The following COL6A5 variants were observed in gnomAD, a reference collection of about 807,000 sequenced individuals.
COL6A5 encodes collagen type VI alpha 5 chain.
A neutral mutation model predicts 65.6 loss-of-function variants in COL6A5; 48 were observed. That is an observed-to-expected ratio of 0.73 (90% CI 0.58 to 0.93). The LOEUF is 0.93. Among genes scored for constraint, COL6A5 ranks in the 40% least tolerant of loss-of-function variants. COL6A5 has a pLI of 0.00. For missense variants in COL6A5, 914 were observed against 928.3 expected (o/e 0.98, Z 0.20); for synonymous variants, 291 against 322.8 (o/e 0.90, Z 1.05).
At chr3:130,443,908 T>TA (rs1163342949) in intron 4 of COL6A5, among the ~76,000 whole-genome samples, 1 of 152,166 alleles carries the variant, frequency 6.6e-6, no homozygotes, top group Non-Finnish European at 1.5e-5. Flanking sequence ...ACTGAACTCT[T>TA]ACCTGCCTTG....
chr3:130,483,976 G>A (rs533903343), intron 7 of COL6A5, 59 bp from the exon 41 acceptor site: 20 of 1,509,016 alleles, frequency 1.3e-5, no homozygotes, highest in Admixed American at 1.8e-5. Context: ...AGGCCCTGGA[G>A]GAACATTTTG....
exon 3 of COL6A5, chr3:130,376,569 T>G: frequency 6.2e-7 from 1 of 1,605,202 alleles, no homozygotes; most frequent in Non-Finnish European, 8.5e-7. Flanking sequence ...CAGGAAACAG[T>G]TTCCCCCAAT....
exon 8 of COL6A5, chr3:130,395,053 C>T: frequency 6.4e-7 from 1 of 1,551,646 alleles, no homozygotes; most frequent in African/African-American, 1.4e-5. Flanking sequence ...TTGGAAGCAA[C>T]TACCAGAGTA....
intron 6 of COL6A5, among the ~76,000 whole-genome samples, chr3:130,389,676 T>C (rs1577457883): frequency 6.6e-6 from 1 of 152,086 alleles, no homozygotes; most frequent in East Asian, 1.9e-4. Context: ...CGTGTATCCA[T>C]CCCTTTGAAA....
rs749284239 is a variant in COL6A5, at chr3:130,376,578, A to G, written c.409A>G (p.Ile137Val). 3.7e-6 allele frequency: 6 copies of G among 1,606,622 alleles called. No homozygotes were observed. Among genetic ancestry groups the G allele is most frequent in the Middle Eastern group, 1.7e-4 (1 of 6,040 alleles). The change falls in exon 3 of 42, where the codon ATT becomes GTT. Residue 137 changes from isoleucine (I) to valine (V), a missense_variant and NMD_transcript_variant. Transcript: ENST00000312481. ...GAGAGACAGGAAACAGTTTCCCCCA[A>G]TTTTGGTGGTCCTGGCTTCGGCTGA...
At chr3:130,378,029 A>G (rs920279636) in intron 3 of COL6A5, among the ~76,000 whole-genome samples, 3 of 152,160 alleles carry the variant, frequency 2.0e-5, no homozygotes, top group Non-Finnish European at 4.4e-5. Flanking sequence ...AAGAACTCAC[A>G]GATGGGTAAT....
At chr3:130,388,798 G>A (rs1038249222) in exon 6 of COL6A5, 9 of 1,551,312 alleles carry the variant, frequency 5.8e-6, no homozygotes, top group Non-Finnish European at 7.8e-6. Context: ...AATTTCTGAT[G>A]CAATAGATAG....
chr3:130,405,708 C>T, intron 14 of COL6A5, 49 bp downstream of exon 14: 1 of 1,366,122 alleles, frequency 7.3e-7, no homozygotes, highest in Non-Finnish European at 1.0e-6. Flanking sequence ...AACATTCTCT[C>T]CCTCTCTTTC....
At chr3:130,399,602 A>C (rs1936742776) in intron 10 of COL6A5, among the ~76,000 whole-genome samples, 1 of 151,614 alleles carries the variant, frequency 6.6e-6, no homozygotes, top group South Asian at 2.1e-4. Flanking sequence ...GGATCTCCTG[A>C]CCTCATGATC....
intron 21 of COL6A5, 110 bp from the exon 22 acceptor site, chr3:130,413,959 C>T: frequency 2.5e-6 from 2 of 804,742 alleles, no homozygotes; most frequent in South Asian, 1.6e-5. Flanking sequence ...AGAGGGTGAG[C>T]CACAAGTCAG....
chr3:130,379,747 A>G, exon 4 of COL6A5: 1 of 1,551,398 alleles, frequency 6.4e-7, no homozygotes, highest in South Asian at 1.2e-5. Context: ...ATATGGCAGC[A>G]GAAGAGCACA....
At chr3:130,444,849 C>G (rs964703758) in intron 4 of COL6A5, among the ~76,000 whole-genome samples, 2 of 152,140 alleles carry the variant, frequency 1.3e-5, no homozygotes, top group Admixed American at 1.3e-4. Flanking sequence ...TAGTTATGTC[C>G]AATGATAAGT....
chr3:130,478,137 C>T (rs936625200), intron 7 of COL6A5, among the ~76,000 whole-genome samples: 3 of 152,044 alleles, frequency 2.0e-5, no homozygotes, highest in African/African-American at 7.2e-5. Context: ...ATAATATAAC[C>T]TATGACATTG....
intron 1 of COL6A5, among the ~76,000 whole-genome samples, chr3:130,362,672 G>T (rs1298468578): frequency 6.6e-6 from 1 of 152,094 alleles, no homozygotes; most frequent in Non-Finnish European, 1.5e-5. Flanking sequence ...AAAATAACTT[G>T]CTGACATTGA....
intron 6 of COL6A5, among the ~76,000 whole-genome samples, chr3:130,389,427 T>C (rs1441492622): frequency 6.6e-6 from 1 of 152,086 alleles, no homozygotes; most frequent in African/African-American, 2.4e-5. Context: ...GCCTGGATTT[T>C]CCAGAGCCAG....
upstream of COL6A5, chr3:130,426,468 A>G: frequency 1.4e-6 from 2 of 1,476,616 alleles, no homozygotes; most frequent in Non-Finnish European, 1.9e-6. Flanking sequence ...GACTGTATGC[A>G]GTGTGGGTAT....
intron 1 of COL6A5, among the ~76,000 whole-genome samples, chr3:130,373,004 A>G (rs1042601338): frequency 2.0e-5 from 3 of 152,184 alleles, no homozygotes; most frequent in Non-Finnish European, 4.4e-5. Flanking sequence ...ATTGTGAACT[A>G]TGTGGAAAAA....
intron 3 of COL6A5, 123 bp downstream of exon 35, chr3:130,440,948 TA>T: frequency 1.3e-6 from 1 of 786,268 alleles, no homozygotes; most frequent in South Asian, 1.9e-5. Context: ...GATGGTGAGA[TA>T]GGGGCAGGAA....
chr3:130,448,422 G>A (rs1478511021), intron 4 of COL6A5, among the ~76,000 whole-genome samples: 1 of 152,140 alleles, frequency 6.6e-6, no homozygotes, highest in Non-Finnish European at 1.5e-5. Flanking sequence ...GCCTAAATTA[G>A]GTCTTAAATA....
Sources: allele counts gnomAD v4.1 joint callset (sites outside exome capture counted in the v4.1 genomes callset), GRCh38; gene constraint gnomAD v4.1.1; transcripts MANE v1.5; gene names NCBI Gene and HGNC (gene_info 2026-07-23, HGNC 2026-07-21).